Variants in SHISA9 observed in about 807,000 individuals in gnomAD.
The protein encoded by SHISA9 is shisa family member 9.
In SHISA9, 13 loss-of-function variants were observed where a neutral mutation model predicts 38.0. The ratio of observed to expected loss-of-function variants is 0.34; its 90% CI spans 0.22 to 0.54. The LOEUF is 0.54. Ranked by LOEUF, SHISA9 falls within the 20% of genes least tolerant of loss-of-function variation. SHISA9 has a pLI of 0.91. For synonymous variants in SHISA9, 275 were observed against 242.0 expected, an observed-to-expected ratio of 1.14 and a Z score of -1.27; for missense variants, 538 against 575.8, an observed-to-expected ratio of 0.93 and a Z score of 0.67.
the SHISA9 span, among the ~76,000 whole-genome samples, chr16:13,434,419 G>GTTTTTTTTTTTTTTTTTTTTTTTT: frequency 2.2e-3 from 142 of 64,518 alleles, 18 homozygotes; most frequent in Non-Finnish European, 3.3e-3. Context: ...GACAAGCTAT[G>GTTTTTTTTTTTTTTTTTTTTTTTT]TTTTTTTTTT....
At chr16:12,973,065 G>C (rs932621946) in intron 2 of SHISA9, among the ~76,000 whole-genome samples, 4 of 152,168 alleles carry the variant, frequency 2.6e-5, no homozygotes, top group African/African-American at 9.7e-5. Flanking sequence ...GCAGTGAGCT[G>C]AGATTGTGCC....
the SHISA9 span, among the ~76,000 whole-genome samples, chr16:13,396,245 G>A: frequency 3.3e-5 from 5 of 152,180 alleles, no homozygotes; most frequent in East Asian, 3.9e-4. Context: ...AATGGCTCAC[G>A]CCTGTAATCC....
chr16:13,040,342 C>CT (rs1241981393), intron 2 of SHISA9, among the ~76,000 whole-genome samples: 1 of 152,308 alleles, frequency 6.6e-6, no homozygotes, highest in East Asian at 1.9e-4. Flanking sequence ...ACCCCAGGGC[C>CT]TTTGCACTGG....
chr16:13,214,857 G>A (rs998262362), intron 4 of SHISA9, among the ~76,000 whole-genome samples: 3 of 152,216 alleles, frequency 2.0e-5, no homozygotes, highest in South Asian at 2.1e-4. Flanking sequence ...ATCTCCCACC[G>A]GGTTCCTCCC....
chr16:13,022,336 T>TA (rs1356599477), intron 2 of SHISA9, among the ~76,000 whole-genome samples: 1 of 112,940 alleles, frequency 8.9e-6, no homozygotes, highest in East Asian at 2.7e-4. Flanking sequence ...ATTAAAAAAA[T>TA]TTTTTTTTTT....
At chr16:13,014,235 C>T (rs1200281457) in intron 2 of SHISA9, among the ~76,000 whole-genome samples, 3 of 152,152 alleles carry the variant, frequency 2.0e-5, no homozygotes, top group Admixed American at 6.5e-5. Context: ...CCCAGATGTG[C>T]CTGAATCCAG....
intron 4 of SHISA9, among the ~76,000 whole-genome samples, chr16:13,221,438 C>CTTTT (rs72459669): frequency 7.4e-6 from 1 of 134,990 alleles, no homozygotes; most frequent in Non-Finnish European, 1.6e-5. Context: ...AATACCTGGA[C>CTTTT]TTTTTTTTTT....
the SHISA9 span, among the ~76,000 whole-genome samples, chr16:13,513,420 G>C: frequency 1.3e-5 from 2 of 152,196 alleles, no homozygotes; most frequent in Non-Finnish European, 2.9e-5. Context: ...CATTGTCAAA[G>C]ACAGCGCAGC....
intron 2 of SHISA9, among the ~76,000 whole-genome samples, chr16:13,137,915 G>A (rs552014302): frequency 3.3e-5 from 5 of 152,164 alleles, no homozygotes; most frequent in East Asian, 3.9e-4. Context: ...TGGCTAACTC[G>A]TATTTTTCTT....
the SHISA9 span, among the ~76,000 whole-genome samples, chr16:13,469,320 G>GAGAGAGAGAAAGAAAGAAAGAAAGAA: frequency 3.2e-5 from 2 of 61,564 alleles, no homozygotes; most frequent in African/African-American, 7.8e-5. Flanking sequence ...GAGAGAGAGA[G>GAGAGAGAGAAAGAAAGAAAGAAAGAA]AGAAAGAAAG....
chr16:13,223,509 T>A (rs529029477), intron 4 of SHISA9, among the ~76,000 whole-genome samples: 100 of 152,326 alleles, frequency 6.6e-4, no homozygotes, highest in African/African-American at 2.4e-3. Flanking sequence ...TCCTCTTTCC[T>A]TCTCAACATT....
At chr16:13,064,363 T>C (rs1382903764) in intron 2 of SHISA9, among the ~76,000 whole-genome samples, 1 of 152,138 alleles carries the variant, frequency 6.6e-6, no homozygotes, top group African/African-American at 2.4e-5. Flanking sequence ...CTTCCTATTG[T>C]AGAGGTAGAC....
the SHISA9 span, among the ~76,000 whole-genome samples, chr16:13,356,528 C>G: frequency 2.4e-4 from 36 of 151,944 alleles, no homozygotes; most frequent in Non-Finnish European, 5.1e-4. Flanking sequence ...TAAGCCAGAC[C>G]AGGTGTGAGG....
intron 1 of SHISA9, among the ~76,000 whole-genome samples, chr16:12,907,482 A>G (rs1039575900): frequency 1.3e-5 from 2 of 151,952 alleles, no homozygotes; most frequent in East Asian, 3.9e-4. Context: ...ATATCTCAGC[A>G]GGGGGCTTTC....
intron 2 of SHISA9, among the ~76,000 whole-genome samples, chr16:13,158,838 C>T (rs1341609074): frequency 6.7e-5 from 10 of 149,936 alleles, no homozygotes; most frequent in Non-Finnish European, 1.5e-4. Flanking sequence ...GGGCGGATCA[C>T]GAGGTCAGGA....
chr16:12,939,569 C>A (rs1368067302), intron 2 of SHISA9, among the ~76,000 whole-genome samples: 1 of 152,130 alleles, frequency 6.6e-6, no homozygotes, highest in Non-Finnish European at 1.5e-5. Context: ...TTTAAGTCAA[C>A]CCCATGGGAA....
At chr16:13,113,270 CCTAAA>C (rs1236118490) in intron 2 of SHISA9, among the ~76,000 whole-genome samples, 1 of 150,954 alleles carries the variant, frequency 6.6e-6, no homozygotes, top group Non-Finnish European at 1.5e-5. Context: ...CCTAGACTGA[CCTAAA>C]CTAAAGTGTT....
intron 2 of SHISA9, among the ~76,000 whole-genome samples, chr16:12,938,746 A>G (rs1419809420): frequency 1.3e-5 from 2 of 151,718 alleles, no homozygotes; most frequent in Non-Finnish European, 2.9e-5. Flanking sequence ...CAGGTGATCT[A>G]CCCACCTCAG....
At chr16:13,244,059 C>T (rs187282891), downstream of SHISA9, among the ~76,000 whole-genome samples, 2 of 152,264 alleles carry the variant, frequency 1.3e-5, no homozygotes, top group Middle Eastern at 3.4e-3. Flanking sequence ...GCCTGAGCCA[C>T]CATGGCTTTC....
Sources: gnomAD v4.1 joint callset for allele counts (sites outside exome capture counted in the v4.1 genomes callset) on GRCh38, gnomAD v4.1.1 for gene constraint, MANE v1.5 for transcripts, NCBI Gene and HGNC (gene_info 2026-07-23, HGNC 2026-07-21) for gene names.